CLTCL1: variants seen among roughly 807,000 people sequenced by gnomAD.
CLTCL1 encodes clathrin heavy chain 2.
Under a neutral mutation model 190.0 loss-of-function variants are expected in CLTCL1, and 159 were observed. The observed-to-expected ratio is 0.84, with a 90% CI of 0.74 to 0.95. CLTCL1 has a LOEUF of 0.95. Ranked by LOEUF, CLTCL1 falls within the 40% of genes least tolerant of loss-of-function variation. CLTCL1 has a pLI of 0.00. For synonymous variants in CLTCL1, 752 were observed against 769.6 expected, an observed-to-expected ratio of 0.98 and a Z score of 0.38; for missense variants, 1,878 against 2,033.4, an observed-to-expected ratio of 0.92 and a Z score of 1.47.
In CLTCL1 at chr22:19,282,897, C is replaced by G. The variant is rs144528252; in HGVS notation, c.43-7067G>C. Among the ~76,000 whole-genome samples, 808 of 141,898 alleles carry G rather than the reference C, an allele frequency of 5.7e-3. 11 individuals carry two copies. Among genetic ancestry groups the G allele is most frequent in the African/African-American group, 0.019 (726 of 38,454 alleles). The allele number at this position is 141,898 out of a possible 152,430, so 93.1% of individuals were successfully genotyped here. A position where few individuals can be genotyped will look rare whatever the true frequency, so the allele number is the denominator to read the frequency against. On this transcript the variant is annotated intron_variant, in intron 1 of 32. Coordinates refer to ENST00000427926, the MANE Select transcript of CLTCL1 (RefSeq NM_007098.4). ...TTTTTTTTTTTTTTTTAGACAGAGT[C>G]TTACTCTGTCACCCAGGCTGGAGTG... is the stretch of plus-strand genomic sequence containing the variant.
chr22:19,201,323 G>C lies in CLTCL1; in HGVS notation c.3765+6C>G. The C allele has an allele frequency of 6.2e-7, 1 of 1,607,112 alleles. No individual in the cohort carries two copies. Among genetic ancestry groups the C allele is most frequent in the Non-Finnish European group, 8.5e-7 (1 of 1,177,200 alleles). ...ACTCTGCCGTCTGCAGTTGCCCGCA[G>C]CTCACCTCCTTCCACGTCCGGGTGC... On this transcript the variant is annotated splice_donor_region_variant and intron_variant, in intron 23 of 32. Transcript: ENST00000427926.
chr22:19,183,370 G>A lies in CLTCL1; in HGVS notation c.4827+20C>T. 2 of 1,601,024 alleles carry A rather than the reference G, an allele frequency of 1.2e-6. No homozygotes were observed. The highest frequency in any genetic ancestry group is 1.7e-6 in the Non-Finnish European group (2 of 1,170,422). On this transcript the variant is annotated intron_variant, in intron 30 of 32. Coordinates refer to ENST00000427926, the MANE Select transcript of CLTCL1 (RefSeq NM_007098.4). The stretch of plus-strand genomic sequence containing the variant: ...CATGCCACACAGGGGCCGGGGAGCT[G>A]CAGCCGGCCCGGCACCTACCTTGCT...
chr22:19,264,493 T>A (rs1555976999), intron 2 of CLTCL1, among the ~76,000 whole-genome samples: 2 of 152,188 alleles, frequency 1.3e-5, no homozygotes, highest in Non-Finnish European at 2.9e-5. Context: ...TGTACACTCA[T>A]GTTAACAGCG....
At chr22:19,261,478 A>T (rs1375070681) in intron 2 of CLTCL1, among the ~76,000 whole-genome samples, 1 of 152,194 alleles carries the variant, frequency 6.6e-6, no homozygotes, top group Non-Finnish European at 1.5e-5. Flanking sequence ...AGGCGAAGTA[A>T]ATTGATAACC....
Position 19,225,585 on chromosome 22 carries a change from A to G in CLTCL1, c.1996T>C (p.Cys666Arg), listed in dbSNP as rs536240733. The G allele has an allele frequency of 2.5e-6, 4 of 1,577,756 alleles. No homozygotes were observed. The highest frequency in any genetic ancestry group is 4.7e-5 in the East Asian group (2 of 42,696). ...TTAGCAGACAGCATGGCATGCAGAC[A>G]CTCCACAGAATCCTCCACCGATAAG... ...GSLSVEDSVE[C>R]LHAMLSANIR... is the part of the protein sequence containing the mutation. Residue 666 changes from cysteine (C) to arginine (R), a missense_variant, in exon 13 of 33, where the codon TGT (cysteine) becomes CGT (arginine). Coordinates refer to ENST00000427926, the MANE Select transcript of CLTCL1 (RefSeq NM_007098.4).
chr22:19,257,684 C>T (rs1555973334), intron 2 of CLTCL1: 4 of 640,900 alleles, frequency 6.2e-6, no homozygotes, highest in African/African-American at 1.9e-5. Flanking sequence ...CCACCAGTTT[C>T]CAGGGTGGCT....
chr22:19,291,616 A>G lies in CLTCL1; in HGVS notation c.26T>C (p.Phe9Ser). ...GGGCCTCACCTGGAAGTGCTCCTGA[A>G]AGCGAACAGGGAGGATCTGCGCCAT... MAQILPVRFQEHFQLQNLG... is the reference protein window; with the variant it reads MAQILPVRSQEHFQLQNLG... Residue 9 changes from phenylalanine to serine, a missense_variant, in exon 1 of 33, where the codon TTT (phenylalanine) becomes TCT (serine). Phe to Ser is a radical substitution (Grantham distance 155, BLOSUM62 -2). Transcript: ENST00000427926. The G allele has an allele frequency of 7.1e-7, 1 of 1,403,224 alleles. No homozygotes were observed. The highest frequency in any genetic ancestry group is 9.4e-7 in the Non-Finnish European group (1 of 1,064,832). The allele number at this position is 1,403,224 out of a possible 1,614,324, so 86.9% of individuals were successfully genotyped here. A position where few individuals can be genotyped will look rare whatever the true frequency, so the allele number is the denominator to read the frequency against.
At chr22:19,276,730 T>C (rs546835322) in intron 1 of CLTCL1, among the ~76,000 whole-genome samples, 306 of 152,212 alleles carry the variant, frequency 2.0e-3, no homozygotes, top group African/African-American at 6.5e-3. Context: ...AGTGCAGTGG[T>C]GCGATCTCGG....
Position 19,243,697 on chromosome 22 carries a change from CTT to C in CLTCL1, c.520-763_520-762del, listed in dbSNP as rs1175325908. On this transcript the variant is annotated intron_variant, in intron 3 of 32. Transcript: ENST00000427926. ...GAACTTGTATTTTCTTTCTTTCTTT[CTT>C]TTTTTTTTTTTTTTTTGTGATGGAG... 1.6e-4 allele frequency among the ~76,000 whole-genome samples: 17 copies of C among 107,894 alleles called. No homozygotes were observed. The South Asian group carries it at 3.4e-3, about 21-fold the overall frequency. 70.8% of individuals were successfully genotyped at this position (107,894 alleles called of 152,430 possible).
At chr22:19,267,451 C>G (rs1311375543) in intron 2 of CLTCL1, among the ~76,000 whole-genome samples, 3 of 152,148 alleles carry the variant, frequency 2.0e-5, no homozygotes, top group Non-Finnish European at 4.4e-5. Flanking sequence ...AATTCACAAA[C>G]TAAACCCAAA....
rs1340420158 is a variant in CLTCL1, at chr22:19,194,001, C to A, written c.4191+2265G>T. Among the ~76,000 whole-genome samples, 4 of 152,170 alleles carry A rather than the reference C, an allele frequency of 2.6e-5. 1 individual carries two copies. Among genetic ancestry groups the A allele is most frequent in the Non-Finnish European group, 5.9e-5 (4 of 68,046 alleles). On this transcript the variant is annotated intron_variant, in intron 26 of 32. Coordinates refer to ENST00000427926, the MANE Select transcript of CLTCL1 (RefSeq NM_007098.4). ...CTGGCTCGCATGGCCAGCTTTTATTCCCTTATTTGGCCCCACCCACATCCT... is the reference window on the plus strand; with the variant it reads ...CTGGCTCGCATGGCCAGCTTTTATTACCTTATTTGGCCCCACCCACATCCT...
At chr22:19,241,604 C>A (rs1181669005) in intron 4 of CLTCL1, among the ~76,000 whole-genome samples, 2 of 152,188 alleles carry the variant, frequency 1.3e-5, no homozygotes, top group South Asian at 2.1e-4. Flanking sequence ...AACGAACAAC[C>A]CAAAATTATG....
rs782209770 is a variant in CLTCL1 at position 19,239,266 on chromosome 22, C to A, written c.795+9G>T. 1 of 1,581,976 alleles carries A rather than the reference C, an allele frequency of 6.3e-7. No individual in the cohort carries two copies. The highest frequency in any genetic ancestry group is 1.7e-4 in the Middle Eastern group (1 of 5,988). ...ACATGAAGATGTTTAGAGAGCAGCA[C>A]ATTCGTACCTGCATAGCCACTGGAA... On this transcript the variant is annotated intron_variant, in intron 5 of 32. Transcript: ENST00000427926.
intron 18 of CLTCL1, among the ~76,000 whole-genome samples, chr22:19,218,743 C>T (rs1569184459): frequency 6.6e-6 from 1 of 152,218 alleles, no homozygotes; most frequent in Non-Finnish European, 1.5e-5. Context: ...GTCTGTGAGG[C>T]TATAACTGGA....
intron 18 of CLTCL1, among the ~76,000 whole-genome samples, chr22:19,218,162 C>A (rs1390557557): frequency 6.6e-6 from 1 of 152,138 alleles, no homozygotes; most frequent in Non-Finnish European, 1.5e-5. Context: ...CAGCTCTACC[C>A]AGAAACAGGA....
chr22:19,223,881 T>A lies in CLTCL1; in HGVS notation c.2292+10A>T. 1 of 1,613,190 alleles carries A rather than the reference T, an allele frequency of 6.2e-7. No homozygotes were observed. Among genetic ancestry groups the A allele is most frequent in the Non-Finnish European group, 8.5e-7 (1 of 1,179,850 alleles). ...GGCAGCTCATGGAAGGAGGCAGCACTGGAACACACCTTCAGGAAGTTCTTC... is the reference window on the plus strand; with the variant it reads ...GGCAGCTCATGGAAGGAGGCAGCACAGGAACACACCTTCAGGAAGTTCTTC... On this transcript the variant is annotated intron_variant, in intron 14 of 32. Transcript: ENST00000427926.
chr22:19,207,010 A>ATTTTTTTTT (rs781980213), intron 22 of CLTCL1, among the ~76,000 whole-genome samples: 9 of 92,784 alleles, frequency 9.7e-5, no homozygotes, highest in Non-Finnish European at 9.9e-5. Context: ...TAAACTACTA[A>ATTTTTTTTT]TTTTTTTTTT....
rs376298514 is a variant in CLTCL1 at position 19,275,615 on chromosome 22, G to T, written c.250+8C>A. On this transcript the variant is annotated splice_region_variant and intron_variant, in intron 2 of 32. Transcript: ENST00000427926. Reference sequence around the variant, plus strand: ...AAGATTCCTTTCTAACAATCCCATCGGGTTTACCTTTCAGAGCTATCACCT... The same window carrying T: ...AAGATTCCTTTCTAACAATCCCATCTGGTTTACCTTTCAGAGCTATCACCT... 16 of 1,592,046 alleles carry T rather than the reference G, an allele frequency of 1.0e-5. No individual in the cohort carries two copies. In the African/African-American group the frequency reaches 2.0e-4, roughly 20 times the overall value.
chr22:19,207,010 A>ATTTTTTT (rs781980213), intron 22 of CLTCL1, among the ~76,000 whole-genome samples: 46 of 92,776 alleles, frequency 5.0e-4, no homozygotes, highest in East Asian at 6.1e-4. Context: ...TAAACTACTA[A>ATTTTTTT]TTTTTTTTTT....
Sources: gnomAD v4.1 joint callset for allele counts (sites outside exome capture counted in the v4.1 genomes callset) on GRCh38, gnomAD v4.1.1 for gene constraint, MANE v1.5 for transcripts, NCBI Gene and HGNC (gene_info 2026-07-23, HGNC 2026-07-21) for gene names.